The following TBC1D5 variants were observed in gnomAD, a reference collection of about 807,000 sequenced individuals.
TBC1D5 encodes the protein TBC1 domain family, member 5.
A neutral mutation model predicts 100.3 loss-of-function variants in TBC1D5; 75 were observed. The observed-to-expected ratio is 0.75, with a 90% CI of 0.62 to 0.91. The LOEUF (loss-of-function observed/expected upper bound fraction) is 0.91, where lower values mean the gene tolerates loss of function less well. TBC1D5 is among the 40% of genes least tolerant of loss of function. TBC1D5 has a pLI of 0.00. For missense variants in TBC1D5, 910 were observed against 942.4 expected (o/e 0.97, Z 0.45); for synonymous variants, 323 against 325.6 (o/e 0.99, Z 0.09).
chr3:17,449,709 T>C (rs1313234758), intron 3 of TBC1D5, among the ~76,000 whole-genome samples: 1 of 152,154 alleles, frequency 6.6e-6, no homozygotes, highest in Non-Finnish European at 1.5e-5. Flanking sequence ...AGGACATCTC[T>C]GAAAGAAAGG....
intron 2 of TBC1D5, among the ~76,000 whole-genome samples, chr3:17,535,402 G>T (rs1442742598): frequency 6.6e-6 from 1 of 152,110 alleles, no homozygotes; most frequent in Non-Finnish European, 1.5e-5. Flanking sequence ...AATCCTAGTT[G>T]AAAGACATTT....
At chr3:17,258,570 A>T in exon 16 of TBC1D5, 1 of 1,612,896 alleles carries the variant, frequency 6.2e-7, no homozygotes, top group East Asian at 2.2e-5. Flanking sequence ...TGGAATTGAT[A>T]AGTCACTGGT....
At chr3:17,315,575 A>C (rs2084594291) in intron 13 of TBC1D5, among the ~76,000 whole-genome samples, 1 of 152,232 alleles carries the variant, frequency 6.6e-6, no homozygotes, top group South Asian at 2.1e-4. Context: ...ATTCCTGGAG[A>C]AATAAAGGGC....
intron 2 of TBC1D5, among the ~76,000 whole-genome samples, chr3:17,515,186 T>C (rs2095967832): frequency 6.6e-6 from 1 of 152,056 alleles, no homozygotes; most frequent in African/African-American, 2.4e-5. Flanking sequence ...AATCATTTTG[T>C]CCAAAAAAAC....
rs1471880876 is a variant in TBC1D5 at position 17,329,330 on chromosome 3, A to G, written c.996-21196T>C. Reference sequence around the variant, plus strand: ...TGAGTATAAATAAAAGGTGATATTCAGCTCTGATGTTCAGGTACAAATAAA... The same window carrying G: ...TGAGTATAAATAAAAGGTGATATTCGGCTCTGATGTTCAGGTACAAATAAA... On this transcript the variant is annotated intron_variant, in intron 13 of 21. Coordinates refer to ENST00000253692, the Ensembl canonical transcript of TBC1D5. Among the ~76,000 whole-genome samples, 3 of 152,214 alleles carry G rather than the reference A, an allele frequency of 2.0e-5. No homozygotes were observed. In the East Asian group the frequency reaches 5.8e-4, roughly 29 times the overall value.
At chr3:17,318,699 C>A (rs2085003737) in intron 13 of TBC1D5, among the ~76,000 whole-genome samples, 1 of 152,138 alleles carries the variant, frequency 6.6e-6, no homozygotes, top group South Asian at 2.1e-4. Flanking sequence ...TTTATATTTT[C>A]TCTAATTTCC....
At chr3:17,699,546 T>TAATAAATA (rs1027072612) in intron 1 of TBC1D5, among the ~76,000 whole-genome samples, 1 of 91,434 alleles carries the variant, frequency 1.1e-5, no homozygotes, top group Non-Finnish European at 2.3e-5. Flanking sequence ...AGTATAATAA[T>TAATAAATA]AATAAATAGA....
chr3:17,394,329 T>C (rs182239470), intron 8 of TBC1D5, among the ~76,000 whole-genome samples: 7 of 152,264 alleles, frequency 4.6e-5, no homozygotes, highest in African/African-American at 1.4e-4. Flanking sequence ...GCATTGAATC[T>C]AGACAAACAA....
At chr3:17,374,525 T>C in exon 12 of TBC1D5, 2 of 1,612,160 alleles carry the variant, frequency 1.2e-6, no homozygotes, top group Non-Finnish European at 1.7e-6. Flanking sequence ...TTTCCATAAG[T>C]TGTGAGAACA....
At chr3:17,735,374 C>T (rs564713978) in intron 1 of TBC1D5, among the ~76,000 whole-genome samples, 3 of 152,274 alleles carry the variant, frequency 2.0e-5, no homozygotes, top group South Asian at 2.1e-4. Context: ...TGAAAAACAA[C>T]TGCAAACAAC....
Position 17,502,968 on chromosome 3 carries a change from C to T in TBC1D5, c.97+5506G>A, listed in dbSNP as rs116354091. 8.9e-3 allele frequency among the ~76,000 whole-genome samples: 1,328 copies of T among 149,766 alleles called. 138 individuals carry two copies. Among genetic ancestry groups the T allele is most frequent in the African/African-American group, 0.028 (1,110 of 39,506 alleles). On this transcript the variant is annotated intron_variant, in intron 3 of 21. Transcript: ENST00000253692. Reference sequence around the variant, plus strand: ...ACTTTCCAGTACAGGCCACTATCATCTCACCTAGAATATTTCGATGGCTTC... The same window carrying T: ...ACTTTCCAGTACAGGCCACTATCATTTCACCTAGAATATTTCGATGGCTTC...
chr3:17,205,461 A>G (rs568664670), intron 18 of TBC1D5, among the ~76,000 whole-genome samples: 1 of 152,336 alleles, frequency 6.6e-6, no homozygotes, highest in South Asian at 2.1e-4. Flanking sequence ...ATTTAACTCC[A>G]GTTGCCTGAA....
rs578088731 is a variant in TBC1D5, at chr3:17,716,162, T to C, written c.-101+23181A>G. Among the ~76,000 whole-genome samples, 26 of 152,294 alleles carry C rather than the reference T, an allele frequency of 1.7e-4. No homozygotes were observed. The East Asian group carries it at 1.7e-3, about 10-fold the overall frequency. On this transcript the variant is annotated intron_variant, in intron 1 of 21. Transcript: ENST00000253692. The stretch of plus-strand genomic sequence containing the variant: ...CTTAAGACATAAAAAGACAACACCA[T>C]TGAGAGTTTATGTCCACCACTCCTC...
intron 13 of TBC1D5, among the ~76,000 whole-genome samples, chr3:17,371,453 G>A (rs1672985760): frequency 1.3e-5 from 2 of 152,088 alleles, no homozygotes; most frequent in African/African-American, 4.8e-5. Flanking sequence ...AAATTATGTA[G>A]CCAATCCTAA....
At chr3:17,291,969 G>T (rs773603415) in exon 15 of TBC1D5, 12 of 1,613,704 alleles carry the variant, frequency 7.4e-6, no homozygotes, top group Non-Finnish European at 1.0e-5. Flanking sequence ...TGCATCAGAA[G>T]GCCGAGACAG....
chr3:17,709,337 T>C (rs55936740), intron 1 of TBC1D5, among the ~76,000 whole-genome samples: 11,467 of 152,228 alleles, frequency 0.075, 596 homozygotes, highest in Non-Finnish European at 0.12. Context: ...AAACAATTTA[T>C]TGAGCAAACT....
chr3:17,337,747 G>A (rs901511521), intron 13 of TBC1D5: 3 of 152,112 alleles, frequency 2.0e-5, no homozygotes, highest in Non-Finnish European at 4.4e-5. Context: ...GCTCATGTGA[G>A]TTATTGGTTT....
intron 2 of TBC1D5, among the ~76,000 whole-genome samples, chr3:17,532,277 C>T (rs1309332748): frequency 1.3e-5 from 2 of 152,116 alleles, no homozygotes; most frequent in African/African-American, 2.4e-5. Flanking sequence ...AAATCAAAAC[C>T]ACAATGAGAT....
chr3:17,385,999 A>G (rs1265134481), intron 8 of TBC1D5, among the ~76,000 whole-genome samples: 1 of 152,158 alleles, frequency 6.6e-6, no homozygotes, highest in Non-Finnish European at 1.5e-5. Flanking sequence ...TTTGAAACAA[A>G]AGAAAGTTGC....
Sources: allele counts gnomAD v4.1 joint callset (sites outside exome capture counted in the v4.1 genomes callset), GRCh38; gene constraint gnomAD v4.1.1; transcripts MANE v1.5; gene names NCBI Gene and HGNC (gene_info 2026-07-23, HGNC 2026-07-21).